The following SYNDIG1L variants were observed in gnomAD, a reference collection of about 807,000 sequenced individuals.
SYNDIG1L encodes the protein synapse differentiation inducing 1 like.
A neutral mutation model predicts 20.1 loss-of-function variants in SYNDIG1L; 13 were observed. The observed-to-expected ratio is 0.65, with a 90% confidence interval of 0.42 to 1.03. The LOEUF is 1.03. Ranked by LOEUF, SYNDIG1L falls within the 50% of genes least tolerant of loss-of-function variation. The pLI is 0.00. For synonymous variants in SYNDIG1L, 128 were observed against 129.3 expected (o/e 0.99, Z 0.07); for missense variants, 294 against 305.1 (o/e 0.96, Z 0.27).
At chr14:74,466,623 G>A in the SYNDIG1L span, among the ~76,000 whole-genome samples, 2 of 152,326 alleles carry the variant, frequency 1.3e-5, no homozygotes, top group Admixed American at 6.5e-5. Flanking sequence ...ACAAGGGGCT[G>A]CTGCTGGGCT....
chr14:74,446,092 A>G, the SYNDIG1L span, among the ~76,000 whole-genome samples: 1 of 152,224 alleles, frequency 6.6e-6, no homozygotes, highest in African/African-American at 2.4e-5. Flanking sequence ...AAATATTTTT[A>G]GTGATCAAGC....
chr14:74,465,324 C>T, the SYNDIG1L span, among the ~76,000 whole-genome samples: 3 of 152,272 alleles, frequency 2.0e-5, 1 homozygote, highest in Admixed American at 1.3e-4. Context: ...GGCCCAGACA[C>T]GAAAGGAAGC....
chr14:74,413,776 TCACACA>T (rs3047686), intron 1 of SYNDIG1L, among the ~76,000 whole-genome samples: 5 of 149,980 alleles, frequency 3.3e-5, no homozygotes, highest in East Asian at 3.9e-4. Flanking sequence ...ACATATACAC[TCACACA>T]CACACACACA....
chr14:74,440,681 T>C, the SYNDIG1L span, among the ~76,000 whole-genome samples: 1 of 151,604 alleles, frequency 6.6e-6, no homozygotes, highest in Non-Finnish European at 1.5e-5. Flanking sequence ...CGAGACTCTG[T>C]CTAAAAGAAA....
At chr14:74,416,293 T>A (rs1171764305) in intron 1 of SYNDIG1L, among the ~76,000 whole-genome samples, 1 of 152,210 alleles carries the variant, frequency 6.6e-6, no homozygotes, top group African/African-American at 2.4e-5. Flanking sequence ...ATTGTACACT[T>A]AAAATTAGTG....
the SYNDIG1L span, among the ~76,000 whole-genome samples, chr14:74,457,824 G>T: frequency 6.6e-6 from 1 of 152,002 alleles, no homozygotes; most frequent in African/African-American, 2.4e-5. Context: ...TCGAGATTTG[G>T]AATCAGAAGC....
chr14:74,475,956 G>C, the SYNDIG1L span, among the ~76,000 whole-genome samples: 6 of 152,118 alleles, frequency 3.9e-5, no homozygotes, highest in Admixed American at 2.6e-4. Flanking sequence ...CCTTCAATTT[G>C]TACATTACAC....
chr14:74,414,980 A>G (rs752751164), intron 1 of SYNDIG1L, among the ~76,000 whole-genome samples: 34 of 152,168 alleles, frequency 2.2e-4, no homozygotes, highest in Admixed American at 5.9e-4. Flanking sequence ...CCAGCCTGAC[A>G]CTTGACACTG....
intron 1 of SYNDIG1L, 26 bp from the exon 2 acceptor site, chr14:74,409,827 C>T: frequency 7.4e-7 from 1 of 1,349,450 alleles, no homozygotes; most frequent in Admixed American, 2.9e-5. Flanking sequence ...GACAGACAAG[C>T]ACTGAGGCCA....
Position 74,409,597 on chromosome 14 carries a change from C to A in SYNDIG1L, c.148G>T (p.Gly50Ter). The change falls in exon 2 of 4, where the codon GGA (glycine) becomes TGA (stop). Residue 50 changes from glycine to a stop codon, truncating the protein, a stop_gained. Transcript: ENST00000331628. LOFTEE classifies it high-confidence loss of function. ...CCTGGGTCCAGGAGCTGGTGGGCTC[C>A]GGCAGGCCCAGCGCCACCTAGGAGG... ...SYLLGGAGPA[G>*]AHQLLDPGSL... 6.6e-7 allele frequency: 1 copy of A among 1,508,296 alleles called. No homozygotes were observed. The highest frequency in any genetic ancestry group is 2.3e-5 in the Admixed American group (1 of 43,220). 93.4% of individuals were successfully genotyped at this position (1,508,296 alleles called of 1,614,324 possible). A position where few individuals can be genotyped will look rare whatever the true frequency, so the allele number is the denominator to read the frequency against.
At chr14:74,440,322 T>C in the SYNDIG1L span, among the ~76,000 whole-genome samples, 3 of 152,000 alleles carry the variant, frequency 2.0e-5, no homozygotes, top group Middle Eastern at 3.2e-3. Context: ...GAGACCATCC[T>C]GGCTAACACA....
the SYNDIG1L span, among the ~76,000 whole-genome samples, chr14:74,462,085 AAAAAC>A: frequency 7.3e-6 from 1 of 136,586 alleles, no homozygotes; most frequent in Non-Finnish European, 1.6e-5. Flanking sequence ...ACTCTGTCTC[AAAAAC>A]AAAACAAAAC....
the SYNDIG1L span, among the ~76,000 whole-genome samples, chr14:74,448,201 CAG>C: frequency 1.3e-5 from 2 of 152,008 alleles, no homozygotes; most frequent in Non-Finnish European, 2.9e-5. Flanking sequence ...AACTAAAAGG[CAG>C]AGACTGTTAA....
At chr14:74,408,034 G>A in intron 2 of SYNDIG1L, 45 bp from the exon 3 acceptor site, 1 of 1,549,874 alleles carries the variant, frequency 6.5e-7, no homozygotes. Context: ...GATCAGCCCA[G>A]CCCCATCAGG....
the SYNDIG1L span, among the ~76,000 whole-genome samples, chr14:74,462,836 A>C: frequency 6.6e-6 from 1 of 152,092 alleles, no homozygotes; most frequent in Admixed American, 6.5e-5. Context: ...TTGACTTATG[A>C]TATTTTCCAC....
upstream of SYNDIG1L, among the ~76,000 whole-genome samples, chr14:74,427,230 G>A (rs12589219): frequency 0.095 from 14,451 of 151,514 alleles, 1,313 homozygotes; most frequent in African/African-American, 0.23. Context: ...GTCCCAGGAG[G>A]TCAGGAGGAG....
At chr14:74,451,417 TG>T in the SYNDIG1L span, among the ~76,000 whole-genome samples, 3 of 152,246 alleles carry the variant, frequency 2.0e-5, no homozygotes, top group African/African-American at 7.2e-5. Context: ...ATATAAAGAT[TG>T]ATTCAAAGTT....
At chr14:74,441,448 A>G in the SYNDIG1L span, among the ~76,000 whole-genome samples, 1 of 152,072 alleles carries the variant, frequency 6.6e-6, no homozygotes, top group East Asian at 1.9e-4. Context: ...ATCTGTTACG[A>G]CCTTGCTGTG....
At chr14:74,456,458 A>C in the SYNDIG1L span, among the ~76,000 whole-genome samples, 1 of 152,076 alleles carries the variant, frequency 6.6e-6, no homozygotes, top group African/African-American at 2.4e-5. Flanking sequence ...TGAACCTGGG[A>C]GGGGGAGGTT....
Sources: allele counts gnomAD v4.1 joint callset (sites outside exome capture counted in the v4.1 genomes callset), GRCh38; gene constraint gnomAD v4.1.1; transcripts MANE v1.5; gene names NCBI Gene and HGNC (gene_info 2026-07-23, HGNC 2026-07-21).